LRRC1: variants seen among roughly 807,000 people sequenced by gnomAD.
LRRC1 encodes leucine rich repeat containing 1, also known as leucine-rich repeat-containing protein 1.
LRRC1 carries 28 observed loss-of-function variants against 69.9 expected under a neutral mutation model. The ratio of observed to expected loss-of-function variants is 0.40; its 90% CI spans 0.30 to 0.55. The LOEUF (loss-of-function observed/expected upper bound fraction) is 0.55. Among genes scored for constraint, LRRC1 ranks in the 20% least tolerant of loss-of-function variants. LRRC1 has a pLI of 0.47. For synonymous variants in LRRC1, 236 were observed against 240.2 expected (o/e 0.98, Z 0.16); for missense variants, 498 against 609.0 (o/e 0.82, Z 1.92).
intron 11 of LRRC1, among the ~76,000 whole-genome samples, chr6:53,914,787 C>T (rs1768515921): frequency 6.6e-6 from 1 of 152,184 alleles, no homozygotes; most frequent in African/African-American, 2.4e-5. Context: ...CTCCAGGGAG[C>T]CTCCTTTCTG....
chr6:53,862,286 C>CGTGTGTGTGT (rs6149589), intron 2 of LRRC1, among the ~76,000 whole-genome samples: 41 of 144,366 alleles, frequency 2.8e-4, no homozygotes, highest in African/African-American at 9.2e-4. Flanking sequence ...TAACCTGAAT[C>CGTGTGTGTGT]GTGTGTGTGT....
Position 53,809,947 on chromosome 6 carries a change from G to C in LRRC1, c.159+14532G>C, listed in dbSNP as rs1276384707. Among the ~76,000 whole-genome samples the C allele has an allele frequency of 2.0e-5, 3 of 152,254 alleles. No individual in the cohort carries two copies. In the East Asian group the frequency reaches 5.8e-4, roughly 29 times the overall value. On this transcript the variant is annotated intron_variant, in intron 1 of 13. Transcript: ENST00000370888. ...GTCCTGTGGTGGTACCCTTAGCAGAGAAGAAAGGGATAGATAGAGTCACAG... is the reference window on the plus strand; with the variant it reads ...GTCCTGTGGTGGTACCCTTAGCAGACAAGAAAGGGATAGATAGAGTCACAG...
At chr6:53,891,611 T>C (rs1767683674) in intron 4 of LRRC1, among the ~76,000 whole-genome samples, 1 of 152,082 alleles carries the variant, frequency 6.6e-6, no homozygotes, top group South Asian at 2.1e-4. Context: ...GGTAATTTCC[T>C]GTGAAAACGG....
chr6:53,923,568 A>T lies in LRRC1; in HGVS notation c.*775A>T, dbSNP rs547746913. 15 of 152,610 alleles carry T rather than the reference A, an allele frequency of 9.8e-5. No individual in the cohort carries two copies. Among genetic ancestry groups the T allele is most frequent in the African/African-American group, 3.6e-4 (15 of 41,544 alleles). The allele number at this position is 152,610 out of a possible 1,614,324, so 9.5% of individuals were successfully genotyped here. A position where few individuals can be genotyped will look rare whatever the true frequency, so the allele number is the denominator to read the frequency against. On this transcript the variant is annotated 3_prime_UTR_variant, in exon 14 of 14. Transcript: ENST00000370888. ...CAATGATTTGTAATTATATCAGTTG[A>T]TTTTTTTTGAAAAGATGAACCAAAG... is the stretch of plus-strand genomic sequence containing the variant.
intron 2 of LRRC1, among the ~76,000 whole-genome samples, chr6:53,850,968 A>G (rs1229007415): frequency 1.3e-5 from 2 of 152,206 alleles, no homozygotes; most frequent in African/African-American, 2.4e-5. Context: ...TCAACACTCT[A>G]TGGCCAATTT....
Position 53,798,362 on chromosome 6 carries a change from T to C in LRRC1, c.159+2947T>C, listed in dbSNP as rs117378490. ...TCTTGAGATGTCTGTGTGTTTTTGCTTACCTTTGTTTATTTTTTATTTATT... is the reference window on the plus strand; with the variant it reads ...TCTTGAGATGTCTGTGTGTTTTTGCCTACCTTTGTTTATTTTTTATTTATT... On this transcript the variant is annotated intron_variant, in intron 1 of 13. Coordinates refer to ENST00000370888, the MANE Select transcript of LRRC1 (RefSeq NM_018214.5). 2.0e-3 allele frequency among the ~76,000 whole-genome samples: 298 copies of C among 152,322 alleles called. 3 individuals carry two copies. The East Asian group carries it at 0.041, about 21-fold the overall frequency.
At position 53,795,234 on chromosome 6, in the gene LRRC1, G is replaced by A. The variant is rs1444768501; in HGVS notation, c.-23G>A. 1.9e-6 allele frequency: 3 copies of A among 1,585,754 alleles called. No individual in the cohort carries two copies. The highest frequency in any genetic ancestry group is 2.6e-6 in the Non-Finnish European group (3 of 1,169,532). ...CCGGGTCTCCGCCGCTCGGGACCCG[G>A]CTAGGCGGCGGCGGGGGCGGCGATG... On this transcript the variant is annotated 5_prime_UTR_variant, in exon 1 of 14. Coordinates refer to ENST00000370888, the MANE Select transcript of LRRC1 (RefSeq NM_018214.5).
chr6:53,853,996 ACCTAGTT>A, intron 2 of LRRC1, among the ~76,000 whole-genome samples: 1 of 152,322 alleles, frequency 6.6e-6, no homozygotes, highest in Middle Eastern at 3.4e-3. Flanking sequence ...TGACATCAGT[ACCTAGTT>A]CCATTAGCAT....
In LRRC1 at chr6:53,897,374, C is replaced by T. The variant is rs1189944481; in HGVS notation, c.642+15C>T. 6.4e-7 allele frequency: 1 copy of T among 1,554,550 alleles called. No homozygotes were observed. Among genetic ancestry groups the T allele is most frequent in the Non-Finnish European group, 8.9e-7 (1 of 1,127,544 alleles). On this transcript the variant is annotated intron_variant, in intron 7 of 13. Transcript: ENST00000370888. ...AATTACCTCAGGTAAGTGGTAATTT[C>T]ACAGTGTCTCCCCAAAACATAAAAC...
chr6:53,840,585 G>A (rs1000571396), intron 1 of LRRC1, among the ~76,000 whole-genome samples: 8 of 151,570 alleles, frequency 5.3e-5, no homozygotes, highest in African/African-American at 1.7e-4. Flanking sequence ...CTTGTGAACC[G>A]GTCCATTAGT....
chr6:53,898,403 A>T (rs1211152437), intron 7 of LRRC1, among the ~76,000 whole-genome samples: 1 of 152,208 alleles, frequency 6.6e-6, no homozygotes, highest in East Asian at 1.9e-4. Context: ...AACTATCATG[A>T]CATTATCAGG....
At chr6:53,839,614 T>C (rs1450725631) in intron 1 of LRRC1, among the ~76,000 whole-genome samples, 1 of 152,176 alleles carries the variant, frequency 6.6e-6, no homozygotes. Context: ...TTTTCCTCTT[T>C]GAGTTATTTA....
intron 4 of LRRC1, among the ~76,000 whole-genome samples, chr6:53,892,467 C>A (rs1252743444): frequency 6.6e-6 from 1 of 152,124 alleles, no homozygotes; most frequent in African/African-American, 2.4e-5. Flanking sequence ...TCTCTCTTGA[C>A]CTTCTGATTA....
In LRRC1 at chr6:53,815,070, G is replaced by T. The variant is rs544986758; in HGVS notation, c.159+19655G>T. On this transcript the variant is annotated intron_variant, in intron 1 of 13. Transcript: ENST00000370888. ...ATTCTTTATGAGAAGCACCTGGGGA[G>T]TTCTTTTAAAAAATACAGATTCTAG... Among the ~76,000 whole-genome samples the T allele has an allele frequency of 2.7e-3, 321 of 120,966 alleles. 1 individual carries two copies. Among genetic ancestry groups the T allele is most frequent in the African/African-American group, 9.5e-3 (303 of 32,006 alleles). The allele number at this position is 120,966 out of a possible 152,430, so 79.4% of individuals were successfully genotyped here.
At chr6:53,915,582 G>C (rs1768537879) in intron 11 of LRRC1, among the ~76,000 whole-genome samples, 2 of 152,136 alleles carry the variant, frequency 1.3e-5, no homozygotes, top group Non-Finnish European at 2.9e-5. Flanking sequence ...GCATGAATTT[G>C]CCTCAATTCT....
At chr6:53,920,961 G>GT (rs201940946) in intron 13 of LRRC1, among the ~76,000 whole-genome samples, 200 bp downstream of exon 13, 8,863 of 147,622 alleles carry the variant, frequency 0.06, 302 homozygotes, top group Non-Finnish European at 0.08. Context: ...GAACTCATGG[G>GT]TTTTTTTTTT....
At chr6:53,888,958 ATC>A (rs1411756216) in intron 4 of LRRC1, among the ~76,000 whole-genome samples, 11 of 152,338 alleles carry the variant, frequency 7.2e-5, no homozygotes, top group Non-Finnish European at 4.4e-5. Context: ...TAAATCATAT[ATC>A]TTATCAGAGT....
rs556580502 is a variant in LRRC1, at chr6:53,916,282, A to T, written c.1106+2313A>T. 2.0e-4 allele frequency among the ~76,000 whole-genome samples: 30 copies of T among 152,360 alleles called. No individual in the cohort carries two copies. In the South Asian group the frequency reaches 6.0e-3, roughly 31 times the overall value. ...TGAATATTAGAATCAATGGTTGTCA[A>T]TTGGGAAATAGGAAATAGCTTATAC... On this transcript the variant is annotated intron_variant, in intron 11 of 13. Transcript: ENST00000370888.
chr6:53,878,250 C>G (rs1196325651), intron 2 of LRRC1, among the ~76,000 whole-genome samples: 4 of 152,180 alleles, frequency 2.6e-5, no homozygotes, highest in Non-Finnish European at 5.9e-5. Flanking sequence ...GGGGACACAA[C>G]CAAATCATAT....
Sources: gnomAD v4.1 joint callset for allele counts (sites outside exome capture counted in the v4.1 genomes callset) on GRCh38, gnomAD v4.1.1 for gene constraint, MANE v1.5 for transcripts, NCBI Gene and HGNC (gene_info 2026-07-23, HGNC 2026-07-21) for gene names.